Variants in SPINK8 observed in about 807,000 individuals in gnomAD.
SPINK8 encodes serine peptidase inhibitor Kazal type 8 (putative).
SPINK8 carries 12 observed loss-of-function variants against 14.4 expected under a neutral mutation model. That is an observed-to-expected ratio of 0.83 (90% CI 0.53 to 1.35). SPINK8 has a LOEUF of 1.35. Among genes scored for constraint, SPINK8 ranks in the 40% most tolerant of loss-of-function variants. SPINK8 has a pLI of 0.00. For synonymous variants in SPINK8, 32 were observed against 37.6 expected, an observed-to-expected ratio of 0.85 and a Z score of 0.55; for missense variants, 103 against 117.0, an observed-to-expected ratio of 0.88 and a Z score of 0.55.
chr3:48,319,237 G>A (rs1188616651), intron 6 of SPINK8, among the ~76,000 whole-genome samples: 1 of 152,146 alleles, frequency 6.6e-6, no homozygotes, highest in East Asian at 1.9e-4. Context: ...GTTTCTGAGT[G>A]CCTCCACTTG....
chr3:48,330,549 G>A (rs946370663), intron 2 of SPINK8, among the ~76,000 whole-genome samples: 30 of 152,178 alleles, frequency 2.0e-4, no homozygotes, highest in African/African-American at 7.0e-4. Context: ...TAATAGAGTG[G>A]AAACAGAGCT....
chr3:48,307,772 T>A (rs2035869308), intron 7 of SPINK8, among the ~76,000 whole-genome samples: 1 of 151,950 alleles, frequency 6.6e-6, no homozygotes, highest in African/African-American at 2.4e-5. Context: ...ACAGATGAGT[T>A]CTAGCTGAGT....
At position 48,306,995 on chromosome 3, in the gene SPINK8, A is replaced by G; in HGVS notation, c.291T>C (p.Ser97=). The G allele has an allele frequency of 6.2e-7, 1 of 1,613,404 alleles. No homozygotes were observed. The highest frequency in any genetic ancestry group is 8.5e-7 in the Non-Finnish European group (1 of 1,179,632). ...TTTATAATTCTTTGTCGTACGTTCA[A>G]GAGTTTTCCTGCAAGAGAAGTATCT... ...TKLYDGQCEN[S] is the part of the protein sequence containing the mutation. Residue 97 remains serine, a synonymous_variant, in exon 8 of 8, where the codon TCT becomes TCC. Transcript: ENST00000434006.
At chr3:48,330,577 G>T (rs1442396620) in intron 2 of SPINK8, among the ~76,000 whole-genome samples, 2 of 152,076 alleles carry the variant, frequency 1.3e-5, no homozygotes, top group African/African-American at 4.8e-5. Context: ...GATGGGAAGA[G>T]ACCCAAAGGG....
chr3:48,310,014 C>T (rs2035904444), intron 6 of SPINK8, 68 bp from the exon 7 acceptor site: 4 of 1,290,918 alleles, frequency 3.1e-6, no homozygotes, highest in Non-Finnish European at 3.0e-6. Context: ...CTAAATTTTA[C>T]TTGATAATCT....
At chr3:48,317,207 G>A (rs1055452592) in intron 6 of SPINK8, among the ~76,000 whole-genome samples, 5 of 152,080 alleles carry the variant, frequency 3.3e-5, no homozygotes, top group Admixed American at 2.6e-4. Flanking sequence ...AGCATTTTTT[G>A]GCTGGGTGTA....
chr3:48,320,470 C>T (rs971668146), intron 5 of SPINK8, among the ~76,000 whole-genome samples: 6 of 151,978 alleles, frequency 3.9e-5, no homozygotes, highest in Non-Finnish European at 8.8e-5. Context: ...ATCACTTGAA[C>T]CCAGGAGGCA....
At chr3:48,331,844 T>A (rs1245654248) in intron 2 of SPINK8, among the ~76,000 whole-genome samples, 1 of 152,214 alleles carries the variant, frequency 6.6e-6, no homozygotes, top group Non-Finnish European at 1.5e-5. Flanking sequence ...AGAGTAAGAC[T>A]GAGAAGGCCG....
Position 48,322,397 on chromosome 3 carries a change from G to A in SPINK8, c.68-1323C>T, listed in dbSNP as rs548474322. ...GTCGCCTAAGCTGGAGTGCAGTGGC[G>A]CGATCTCAGCTCACTGCAACCTCGG... is the stretch of plus-strand genomic sequence containing the variant. On this transcript the variant is annotated intron_variant, in intron 4 of 7. Coordinates refer to ENST00000434006, the MANE Select transcript of SPINK8 (RefSeq NM_001080525.3). Among the ~76,000 whole-genome samples, 23 of 151,314 alleles carry A rather than the reference G, an allele frequency of 1.5e-4. No individual in the cohort carries two copies. The South Asian group carries it at 2.7e-3, about 18-fold the overall frequency.
At chr3:48,307,824 C>T (rs77044321) in intron 7 of SPINK8, among the ~76,000 whole-genome samples, 31,685 of 151,870 alleles carry the variant, frequency 0.21, 4,234 homozygotes, top group South Asian at 0.3. Flanking sequence ...TTTTCTTCAA[C>T]GCTCTTCCCC....
At chr3:48,324,930 C>T (rs2036119313) in intron 4 of SPINK8, among the ~76,000 whole-genome samples, 1 of 152,122 alleles carries the variant, frequency 6.6e-6, no homozygotes, top group South Asian at 2.1e-4. Flanking sequence ...TCAATTTCTC[C>T]CTTCAATTCT....
chr3:48,310,037 G>A (rs2035904823), intron 6 of SPINK8, 91 bp from the exon 7 acceptor site: 1 of 1,247,732 alleles, frequency 8.0e-7, no homozygotes, highest in South Asian at 2.5e-5. Context: ...GGCTAAGTTT[G>A]GGAAATAAAC....
chr3:48,330,357 A>G (rs1374639979), intron 2 of SPINK8, among the ~76,000 whole-genome samples: 1 of 152,038 alleles, frequency 6.6e-6, no homozygotes, highest in Non-Finnish European at 1.5e-5. Context: ...TGTCTCTACT[A>G]AAAATGCAAA....
chr3:48,318,855 G>A (rs2036030315), intron 6 of SPINK8, among the ~76,000 whole-genome samples: 2 of 152,206 alleles, frequency 1.3e-5, no homozygotes, highest in African/African-American at 4.8e-5. Context: ...AGACAAGGGT[G>A]TGGCTTTTCT....
chr3:48,319,935 A>C (rs1488595039), intron 5 of SPINK8, among the ~76,000 whole-genome samples: 2 of 151,740 alleles, frequency 1.3e-5, no homozygotes, highest in Non-Finnish European at 2.9e-5. Flanking sequence ...CGAGGTCAGG[A>C]GATCGAGACC....
At chr3:48,326,371 G>A (rs2036141330) in intron 4 of SPINK8, among the ~76,000 whole-genome samples, 1 of 152,178 alleles carries the variant, frequency 6.6e-6, no homozygotes, top group Admixed American at 6.5e-5. Context: ...ACTTTGTGAG[G>A]CCAAGGCTGG....
At chr3:48,331,912 G>A (rs1171104816) in intron 2 of SPINK8, among the ~76,000 whole-genome samples, 1 of 152,232 alleles carries the variant, frequency 6.6e-6, no homozygotes, top group Admixed American at 6.5e-5. Flanking sequence ...CATACCTGGG[G>A]AGGGTGATGC....
At chr3:48,319,738 G>T in intron 5 of SPINK8, 120 bp from the exon 6 acceptor site, 1 of 1,389,402 alleles carries the variant, frequency 7.2e-7, no homozygotes, top group Non-Finnish European at 9.7e-7. Flanking sequence ...CAGAGAAAAG[G>T]ATTCAGAAGC....
intron 4 of SPINK8, among the ~76,000 whole-genome samples, chr3:48,322,889 ATATT>A (rs932366004): frequency 6.6e-6 from 1 of 152,124 alleles, no homozygotes; most frequent in African/African-American, 2.4e-5. Context: ...GCTGCTATGA[ATATT>A]TATGCACACA....
Sources: allele counts gnomAD v4.1 joint callset (sites outside exome capture counted in the v4.1 genomes callset), GRCh38; gene constraint gnomAD v4.1.1; transcripts MANE v1.5; gene names NCBI Gene and HGNC (gene_info 2026-07-23, HGNC 2026-07-21).